Variants in PCDHGA2 observed in about 807,000 individuals in gnomAD.
The protein encoded by PCDHGA2 is protocadherin gamma-A2.
In PCDHGA2, 40 loss-of-function variants were observed where a neutral mutation model predicts 59.2. The ratio of observed to expected loss-of-function variants is 0.68; its 90% confidence interval spans 0.52 to 0.88. The LOEUF is 0.88. Ranked by LOEUF, PCDHGA2 falls within the 40% of genes least tolerant of loss-of-function variation. PCDHGA2 has a pLI of 0.00. For missense variants in PCDHGA2, 1,226 were observed against 1,204.0 expected (o/e 1.02, Z -0.27); for synonymous variants, 560 against 526.0 (o/e 1.06, Z -0.89).
At chr5:141,430,084 A>G (rs538721051) in intron 1 of PCDHGA2, among the ~76,000 whole-genome samples, 2 of 152,292 alleles carry the variant, frequency 1.3e-5, no homozygotes, top group Admixed American at 1.3e-4. Context: ...AATATCATGA[A>G]AATTTGATTT....
Position 141,439,149 on chromosome 5 carries a change from C to T in PCDHGA2, c.2425-55658C>T, listed in dbSNP as rs543388568. Reference sequence around the variant, plus strand: ...CAGAGGTTGCAGTGAGCTGAGATCACGCCACTGCACTCCAGCCTGGGCGAC... The same window carrying T: ...CAGAGGTTGCAGTGAGCTGAGATCATGCCACTGCACTCCAGCCTGGGCGAC... On this transcript the variant is annotated intron_variant, in intron 1 of 3. Transcript: ENST00000394576. Among the ~76,000 whole-genome samples, 165 of 150,018 alleles carry T rather than the reference C, an allele frequency of 1.1e-3. 1 individual carries two copies. In the Middle Eastern group the frequency reaches 0.017, roughly 16 times the overall value.
chr5:141,494,251 G>C (rs961451413), intron 1 of PCDHGA2, among the ~76,000 whole-genome samples: 2 of 152,214 alleles, frequency 1.3e-5, no homozygotes, highest in African/African-American at 4.8e-5. Context: ...TTAGCTGTGG[G>C]AAGAGATTCT....
At chr5:141,400,014 C>T (rs2093941558) in intron 1 of PCDHGA2, 1 of 1,612,662 alleles carries the variant, frequency 6.2e-7, no homozygotes, top group Non-Finnish European at 8.5e-7. Flanking sequence ...GTGCCTTGGG[C>T]GACAGGGACG....
chr5:141,351,113 A>T (rs747085623), intron 1 of PCDHGA2: 1 of 1,614,034 alleles, frequency 6.2e-7, no homozygotes, highest in Non-Finnish European at 8.5e-7. Flanking sequence ...CCCAATAAGT[A>T]CCAGCCTCTT....
chr5:141,415,577 C>T (rs776744277), intron 1 of PCDHGA2: 3 of 1,613,744 alleles, frequency 1.9e-6, no homozygotes, highest in East Asian at 4.5e-5. Context: ...TTAGATGATT[C>T]GAAGTTTCCT....
chr5:141,409,442 C>T, intron 1 of PCDHGA2: 2 of 1,613,998 alleles, frequency 1.2e-6, no homozygotes, highest in Non-Finnish European at 1.7e-6. Flanking sequence ...GGACCGAGAG[C>T]AGACACCAGA....
At chr5:141,390,318 C>T in intron 1 of PCDHGA2, 1 of 1,609,020 alleles carries the variant, frequency 6.2e-7, no homozygotes, top group Non-Finnish European at 8.5e-7. Context: ...TGCTCATTGC[C>T]TACCCATTTC....
intron 1 of PCDHGA2, chr5:141,409,250 A>G: frequency 6.2e-7 from 1 of 1,614,024 alleles, no homozygotes; most frequent in Non-Finnish European, 8.5e-7. Flanking sequence ...AATAATCATC[A>G]CTTCTCTCTC....
intron 1 of PCDHGA2, among the ~76,000 whole-genome samples, chr5:141,444,473 G>A (rs943971075): frequency 2.6e-5 from 4 of 151,972 alleles, no homozygotes; most frequent in Admixed American, 6.6e-5. Flanking sequence ...GCCCGGTCGC[G>A]TACTGGATTT....
At chr5:141,438,091 C>T (rs964466012) in intron 1 of PCDHGA2, among the ~76,000 whole-genome samples, 1 of 152,098 alleles carries the variant, frequency 6.6e-6, no homozygotes, top group Admixed American at 6.6e-5. Flanking sequence ...TTACCAGTAA[C>T]AGGGCATACT....
At chr5:141,410,060 G>C in intron 1 of PCDHGA2, 1 of 1,613,108 alleles carries the variant, frequency 6.2e-7, no homozygotes, top group Non-Finnish European at 8.5e-7. Flanking sequence ...CTTCAGCCTG[G>C]GGCTGCGCAC....
intron 1 of PCDHGA2, among the ~76,000 whole-genome samples, chr5:141,482,530 C>CAAAAAAAAAAAAAAAAAAAAAA (rs3074545): frequency 1.3e-5 from 1 of 76,562 alleles, no homozygotes. Context: ...GACAGACATG[C>CAAAAAAAAAAAAAAAAAAAAAA]AAAAAAAAAA....
intron 1 of PCDHGA2, chr5:141,360,617 A>G (rs370246057): frequency 1.9e-6 from 3 of 1,613,924 alleles, no homozygotes; most frequent in Middle Eastern, 1.6e-4. Flanking sequence ...CTGGATTCAG[A>G]TGTTGGTCCT....
chr5:141,438,641 C>CAT (rs2098042490), intron 1 of PCDHGA2, among the ~76,000 whole-genome samples: 2 of 79,354 alleles, frequency 2.5e-5, no homozygotes, highest in Non-Finnish European at 4.5e-5. Context: ...TATATACACA[C>CAT]ACACACACAC....
At chr5:141,401,936 G>A (rs950687803) in intron 1 of PCDHGA2, among the ~76,000 whole-genome samples, 1 of 152,100 alleles carries the variant, frequency 6.6e-6, no homozygotes, top group African/African-American at 2.4e-5. Flanking sequence ...TTAGAATAAT[G>A]TTTAAGACCA....
chr5:141,478,415 C>G (rs182700706), intron 1 of PCDHGA2: 5 of 1,613,648 alleles, frequency 3.1e-6, no homozygotes, highest in Non-Finnish European at 4.2e-6. Context: ...CACGGACTCC[C>G]GCCGCAGCGA....
rs777537045 is a variant in PCDHGA2 at position 141,490,191 on chromosome 5, A to T, written c.2425-4616A>T. The T allele has an allele frequency of 6.2e-7, 1 of 1,614,176 alleles. No homozygotes were observed. The highest frequency in any genetic ancestry group is 1.1e-5 in the South Asian group (1 of 91,082). On this transcript the variant is annotated intron_variant, in intron 1 of 3. Coordinates refer to ENST00000394576, the MANE Select transcript of PCDHGA2 (RefSeq NM_018915.4). The surrounding 1 kb of genome is among the most constrained non-coding windows in gnomAD (Gnocchi z 5.4). ...ACTTTGAGGAGTCACGTTTCTATGA[A>T]ATTCATGCAAGAGCCCGTGACCAGG...
intron 1 of PCDHGA2, chr5:141,418,451 A>AG (rs2096259161): frequency 3.1e-6 from 5 of 1,614,046 alleles, no homozygotes; most frequent in Non-Finnish European, 4.2e-6. Context: ...AGTATTGCAG[A>AG]AGACTCTGGA....
chr5:141,348,430 A>G (rs1235207988), intron 1 of PCDHGA2, among the ~76,000 whole-genome samples: 1 of 152,186 alleles, frequency 6.6e-6, no homozygotes, highest in East Asian at 1.9e-4. Flanking sequence ...AACTTTTAAC[A>G]TATCATTTTT....
Sources: allele counts gnomAD v4.1 joint callset (sites outside exome capture counted in the v4.1 genomes callset), GRCh38; gene constraint gnomAD v4.1.1; non-coding constraint Gnocchi (gnomAD v3.1); transcripts MANE v1.5; gene names NCBI Gene and HGNC (gene_info 2026-07-23, HGNC 2026-07-21).